Variants in DNAH9 observed in about 807,000 individuals in gnomAD.
The protein encoded by DNAH9 is dynein axonemal heavy chain 9, also known as DNAH9 variant protein.
In DNAH9, 345 loss-of-function variants were observed where a neutral mutation model predicts 471.6. The observed-to-expected ratio is 0.73, with a 90% CI of 0.67 to 0.80. The LOEUF (loss-of-function observed/expected upper bound fraction) is 0.80, where lower values mean the gene tolerates loss of function less well. Ranked by LOEUF, DNAH9 falls within the 30% of genes least tolerant of loss-of-function variation. DNAH9 has a pLI of 0.00. For synonymous variants in DNAH9, 2,093 were observed against 2,123.6 expected (o/e 0.99, Z 0.40); for missense variants, 5,407 against 5,609.2 (o/e 0.96, Z 1.15).
intron 59 of DNAH9, among the ~76,000 whole-genome samples, chr17:11,900,671 C>T (rs1973380516): frequency 6.6e-6 from 1 of 151,930 alleles, no homozygotes; most frequent in South Asian, 2.1e-4. Flanking sequence ...ATTTTCTTCC[C>T]CAGTATCTGG....
Position 11,849,227 on chromosome 17 carries a change from A to T in DNAH9, c.9508-4776A>T, listed in dbSNP as rs181460589. On this transcript the variant is annotated intron_variant, in intron 49 of 68. Coordinates refer to ENST00000262442, the MANE Select transcript of DNAH9 (RefSeq NM_001372.4). ...ACTTCTCACCATCTCCCCTGCAAAA[A>T]GCCTGGACCAAGCCACCTTCAGTTC... Among the ~76,000 whole-genome samples the T allele has an allele frequency of 1.1e-3, 170 of 152,238 alleles. 1 individual carries two copies. The highest frequency in any genetic ancestry group is 3.9e-3 in the African/African-American group (161 of 41,552).
At chr17:11,966,458 T>C (rs1160017096) in intron 68 of DNAH9, among the ~76,000 whole-genome samples, 2 of 152,138 alleles carry the variant, frequency 1.3e-5, no homozygotes, top group African/African-American at 4.8e-5. Context: ...ACCAGCCTTA[T>C]AGGAAATACT....
chr17:11,785,365 G>A (rs559204135), intron 41 of DNAH9, among the ~76,000 whole-genome samples: 13 of 152,158 alleles, frequency 8.5e-5, no homozygotes, highest in East Asian at 5.8e-4. Context: ...AAAAAGTGTC[G>A]AAGTGATCAG....
rs1976281003 is a variant in DNAH9 at position 11,962,343 on chromosome 17, A to G, written c.13233+87A>G. On this transcript the variant is annotated intron_variant, in intron 68 of 68. Coordinates refer to ENST00000262442, the MANE Select transcript of DNAH9 (RefSeq NM_001372.4). The surrounding 1 kb of genome is among the most constrained non-coding windows in gnomAD (Gnocchi z 4.1). ...CTATGAAGTGTGACTACTAAAAGAG[A>G]TATTCCTGAATCTTTTTCTCTAGCT... is the stretch of plus-strand genomic sequence containing the variant. The G allele has an allele frequency of 6.8e-7, 1 of 1,476,498 alleles. No individual in the cohort carries two copies. The highest frequency in any genetic ancestry group is 2.5e-4 in the Middle Eastern group (1 of 3,976). The allele number at this position is 1,476,498 out of a possible 1,614,324, so 91.5% of individuals were successfully genotyped here.
intron 2 of DNAH9, among the ~76,000 whole-genome samples, chr17:11,609,321 T>C (rs1196211670): frequency 6.6e-6 from 1 of 152,250 alleles, no homozygotes; most frequent in Non-Finnish European, 1.5e-5. Flanking sequence ...GGAAAACTTA[T>C]TGCGGTTTAA....
chr17:11,836,024 C>T (rs1004301862), intron 49 of DNAH9, among the ~76,000 whole-genome samples: 1 of 152,186 alleles, frequency 6.6e-6, no homozygotes, highest in Non-Finnish European at 1.5e-5. Flanking sequence ...TCAGGAGAAA[C>T]ATATTAAGCT....
intron 67 of DNAH9, among the ~76,000 whole-genome samples, chr17:11,960,757 T>C (rs1976074656): frequency 6.6e-6 from 1 of 151,428 alleles, no homozygotes; most frequent in African/African-American, 2.4e-5. Flanking sequence ...AGACACCGTC[T>C]CCAGAAAAAA....
At chr17:11,884,322 C>A (rs1042854715) in intron 56 of DNAH9, 5 of 249,808 alleles carry the variant, frequency 2.0e-5, no homozygotes, top group South Asian at 4.7e-5. Flanking sequence ...CTCGGTCCCC[C>A]CTGTGAGGAC....
At chr17:11,838,477 A>G (rs529565111) in intron 49 of DNAH9, among the ~76,000 whole-genome samples, 1 of 152,324 alleles carries the variant, frequency 6.6e-6, no homozygotes, top group South Asian at 2.1e-4. Context: ...AGGGAAGAGA[A>G]ACCCCATGAA....
chr17:11,929,680 C>T (rs891792150), intron 62 of DNAH9, among the ~76,000 whole-genome samples, 186 bp from the exon 63 acceptor site: 8 of 152,202 alleles, frequency 5.3e-5, no homozygotes, highest in African/African-American at 1.2e-4. Flanking sequence ...GTGCACGTAA[C>T]GCCATTAACT....
chr17:11,969,353 G>C lies in DNAH9; in HGVS notation c.13287G>C (p.Val4429=), dbSNP rs752312337. The C allele has an allele frequency of 2.5e-6, 4 of 1,614,090 alleles. No individual in the cohort carries two copies. Among genetic ancestry groups the C allele is most frequent in the Non-Finnish European group, 3.4e-6 (4 of 1,180,022 alleles). The part of the protein sequence containing the change: ...KLKDLTPPMP[V]MFIKAIPADK... ...AGGATCTGACACCCCCTATGCCTGTGATGTTCATCAAGGCCATTCCTGCAG... is the reference window on the plus strand; with the variant it reads ...AGGATCTGACACCCCCTATGCCTGTCATGTTCATCAAGGCCATTCCTGCAG... The change falls in exon 69 of 69, where the codon GTG becomes GTC. Residue 4429 remains valine, a synonymous_variant. Transcript: ENST00000262442.
At chr17:11,617,733 C>G (rs1329417515) in intron 5 of DNAH9, 111 bp downstream of exon 5, 8 of 736,340 alleles carry the variant, frequency 1.1e-5, no homozygotes, top group Non-Finnish European at 1.8e-5. Context: ...TAATTATGTT[C>G]CAAAGAGTTC....
intron 19 of DNAH9, among the ~76,000 whole-genome samples, chr17:11,684,972 A>C (rs947184964): frequency 1.3e-5 from 2 of 152,178 alleles, no homozygotes; most frequent in Non-Finnish European, 2.9e-5. Flanking sequence ...AGTTAACCTG[A>C]CTCATTCACA....
chr17:11,655,742 T>G (rs528101215), intron 14 of DNAH9, among the ~76,000 whole-genome samples: 98 of 152,134 alleles, frequency 6.4e-4, no homozygotes, highest in South Asian at 1.9e-3. Context: ...AGACCATTAT[T>G]CTAAGTGAAG....
intron 49 of DNAH9, among the ~76,000 whole-genome samples, chr17:11,842,896 C>A (rs1008455922): frequency 6.6e-6 from 1 of 152,160 alleles, no homozygotes; most frequent in African/African-American, 2.4e-5. Context: ...TACTTTGCAC[C>A]CTTCAATCCA....
intron 59 of DNAH9, among the ~76,000 whole-genome samples, chr17:11,895,951 A>T (rs2151007615): frequency 6.6e-6 from 1 of 152,350 alleles, no homozygotes; most frequent in East Asian, 1.9e-4. Context: ...CATTAATGCT[A>T]CCATTTCTCA....
chr17:11,760,071 C>T (rs1967599700), intron 35 of DNAH9, among the ~76,000 whole-genome samples: 1 of 152,158 alleles, frequency 6.6e-6, no homozygotes, highest in Non-Finnish European at 1.5e-5. Context: ...ATCCGCCTGC[C>T]TCAGTATCCC....
rs542075603 is a variant in DNAH9, at chr17:11,780,591, C to G, written c.7553-418C>G. On this transcript the variant is annotated intron_variant, in intron 38 of 68. Transcript: ENST00000262442. ...TATGTAAACAAAGAAAACTGGGGAC[C>G]ACAAGTATGACAGAAGAAGCATGGT... Among the ~76,000 whole-genome samples, 9 of 152,260 alleles carry G rather than the reference C, an allele frequency of 5.9e-5. No homozygotes were observed. In the South Asian group the frequency reaches 1.9e-3, roughly 32 times the overall value.
Position 11,881,256 on chromosome 17 carries a change from G to A in DNAH9, c.10649G>A (p.Arg3550Gln), listed in dbSNP as rs750882340. Residue 3550 changes from arginine (R) to glutamine (Q), a missense_variant, in exon 55 of 69, where the codon CGG becomes CAG. Coordinates refer to ENST00000262442, the MANE Select transcript of DNAH9 (RefSeq NM_001372.4). ...GAATGTGAATACAATCCCAAGTTCCGGCTCATCCTCCACACCAAGCTGGCT... is the reference window on the plus strand; with the variant it reads ...GAATGTGAATACAATCCCAAGTTCCAGCTCATCCTCCACACCAAGCTGGCT... The part of the protein sequence containing the change: ...DKECEYNPKF[R>Q]LILHTKLANP... 4.6e-5 allele frequency: 74 copies of A among 1,613,978 alleles called. No homozygotes were observed. The highest frequency in any genetic ancestry group is 1.6e-4 in the Middle Eastern group (1 of 6,084).
Sources: gnomAD v4.1 joint callset for allele counts (sites outside exome capture counted in the v4.1 genomes callset) on GRCh38, gnomAD v4.1.1 for gene constraint, Gnocchi (gnomAD v3.1) non-coding constraint, MANE v1.5 for transcripts, NCBI Gene and HGNC (gene_info 2026-07-23, HGNC 2026-07-21) for gene names.